SYBU: variants seen among roughly 807,000 people sequenced by gnomAD.
SYBU encodes GOLSYN A protein.
Under a neutral mutation model 35.9 loss-of-function variants are expected in SYBU, and 21 were observed. The ratio of observed to expected loss-of-function variants is 0.58; its 90% CI spans 0.41 to 0.84. The LOEUF (loss-of-function observed/expected upper bound fraction) is 0.84. Ranked by LOEUF, SYBU falls within the 40% of genes least tolerant of loss-of-function variation. The pLI is 0.00. For missense variants in SYBU, 768 were observed against 848.2 expected (o/e 0.91, Z 1.17); for synonymous variants, 319 against 324.3 (o/e 0.98, Z 0.18).
At chr8:109,688,948 A>G (rs1328432795) in intron 1 of SYBU, among the ~76,000 whole-genome samples, 1 of 152,172 alleles carries the variant, frequency 6.6e-6, no homozygotes, top group Non-Finnish European at 1.5e-5. Context: ...GATTAGTTAC[A>G]TCTTAACGGT....
intron 1 of SYBU, among the ~76,000 whole-genome samples, chr8:109,666,182 G>A (rs367706639): frequency 1.3e-5 from 2 of 152,216 alleles, no homozygotes; most frequent in East Asian, 3.8e-4. Context: ...CAACGTGGAT[G>A]TGGATTAGGA....
In SYBU at chr8:109,691,325, G is replaced by T. The variant is rs999989763; in HGVS notation, c.-58+8C>A. 2 of 701,588 alleles carry T rather than the reference G, an allele frequency of 2.9e-6. No homozygotes were observed. Among genetic ancestry groups the T allele is most frequent in the South Asian group, 1.5e-5 (1 of 67,388 alleles). The allele number at this position is 701,588 out of a possible 1,614,324, so 43.5% of individuals were successfully genotyped here. ...ACAGCAGAGACCGCATAGGCGCCCC[G>T]GTCTTACCCTTTCTCGCCCAGAAGG... On this transcript the variant is annotated splice_region_variant and intron_variant, in intron 1 of 7. Coordinates refer to the SYBU transcript ENST00000422135. The surrounding 1 kb of genome is among the most constrained non-coding windows in gnomAD (Gnocchi z 4.7).
At chr8:109,672,744 C>T (rs1207794118) in intron 1 of SYBU, among the ~76,000 whole-genome samples, 3 of 152,200 alleles carry the variant, frequency 2.0e-5, no homozygotes, top group African/African-American at 7.2e-5. Flanking sequence ...CTCAGCAGAT[C>T]CCACCGCCAC....
chr8:109,628,534 G>T (rs1166754679), intron 2 of SYBU, among the ~76,000 whole-genome samples: 3 of 151,814 alleles, frequency 2.0e-5, no homozygotes, highest in Non-Finnish European at 4.4e-5. Flanking sequence ...TTGTAAATAG[G>T]ATCTCACTAT....
At chr8:109,665,225 A>G (rs1056263779) in intron 1 of SYBU, among the ~76,000 whole-genome samples, 44 of 152,206 alleles carry the variant, frequency 2.9e-4, no homozygotes, top group African/African-American at 9.6e-4. Context: ...GTATGTAACA[A>G]TATAAAAATT....
At chr8:109,647,522 T>C (rs1436465038), upstream of SYBU, 1 of 152,238 alleles carries the variant, frequency 6.6e-6, no homozygotes, top group East Asian at 1.9e-4. Context: ...CCCCATTTAC[T>C]TGTTTGTTTT....
intron 2 of SYBU, among the ~76,000 whole-genome samples, chr8:109,637,208 A>G (rs780766880): frequency 6.6e-6 from 1 of 152,216 alleles, no homozygotes; most frequent in African/African-American, 2.4e-5. Context: ...TGAATTTTAA[A>G]CAAGTTTTAC....
rs1308148267 is a variant in SYBU at position 109,575,511 on chromosome 8, G to A, written c.1387C>T (p.Pro463Ser). The change falls in exon 7 of 7, where the codon CCT becomes TCT. Residue 463 changes from proline to serine, a missense_variant. Pro to Ser is a moderately conservative substitution (Grantham distance 74, BLOSUM62 -1). Transcript: ENST00000276646. ...AGCAGCTCCAGGACGTTAGCCCCAG[G>A]GGTGGAATGCACAAGCTCCAGGTCA... Reference protein sequence around the residue: ...SGDLELVHSTPGANVLELLPI... With the variant: ...SGDLELVHSTSGANVLELLPI... The A allele has an allele frequency of 1.2e-6, 2 of 1,614,000 alleles. No homozygotes were observed. Among genetic ancestry groups the A allele is most frequent in the East Asian group, 4.5e-5 (2 of 44,864 alleles).
At chr8:109,669,555 T>A (rs1393920654) in intron 1 of SYBU, among the ~76,000 whole-genome samples, 9 of 152,326 alleles carry the variant, frequency 5.9e-5, no homozygotes, top group African/African-American at 2.2e-4. Context: ...AAACACTATA[T>A]GTTTTAATAT....
intron 1 of SYBU, among the ~76,000 whole-genome samples, chr8:109,653,358 C>T (rs991193440): frequency 4.6e-5 from 7 of 152,012 alleles, no homozygotes; most frequent in Admixed American, 1.3e-4. Flanking sequence ...TAAATAAGTG[C>T]CCATCAAATG....
upstream of SYBU, among the ~76,000 whole-genome samples, chr8:109,683,540 T>C (rs1332199132): frequency 2.0e-5 from 3 of 152,216 alleles, no homozygotes; most frequent in Non-Finnish European, 4.4e-5. Context: ...TGCAGGCTCA[T>C]AGGCAGAAGG....
chr8:109,642,784 T>A lies in SYBU; in HGVS notation c.173A>T (p.Asn58Ile). 8 of 1,613,582 alleles carry A rather than the reference T, an allele frequency of 5.0e-6. No individual in the cohort carries two copies. Among genetic ancestry groups the A allele is most frequent in the Non-Finnish European group, 6.8e-6 (8 of 1,179,782 alleles). ...PFSEEESREFNPSSSGRSART... is the reference protein window; with the variant it reads ...PFSEEESREFIPSSSGRSART... ...CGCTGAGCGCCCAGAGCTGCTGGGGTTGAACTCTCTGCTCTCTTCCTCAGA... is the reference window on the plus strand; with the variant it reads ...CGCTGAGCGCCCAGAGCTGCTGGGGATGAACTCTCTGCTCTCTTCCTCAGA... The change falls in exon 2 of 7, where the codon AAC (asparagine) becomes ATC (isoleucine). Residue 58 changes from asparagine (N) to isoleucine (I), a missense_variant. Coordinates refer to ENST00000276646, the MANE Select transcript of SYBU (RefSeq NM_001099754.2).
intron 1 of SYBU, among the ~76,000 whole-genome samples, chr8:109,672,929 G>T (rs1364249527): frequency 1.3e-5 from 2 of 152,206 alleles, no homozygotes; most frequent in African/African-American, 4.8e-5. Context: ...GTTTGGACTG[G>T]GTGGAGCCCA....
rs545263369 is a variant in SYBU at position 109,608,678 on chromosome 8, A to G, written c.427+10164T>C. 1.8e-4 allele frequency among the ~76,000 whole-genome samples: 28 copies of G among 152,374 alleles called. No homozygotes were observed. In the South Asian group the frequency reaches 5.8e-3, roughly 32 times the overall value. On this transcript the variant is annotated intron_variant, in intron 3 of 6. Transcript: ENST00000276646. Reference sequence around the variant, plus strand: ...GTCTTACTAAGAAGGCATCTGTGACAGAATAAGACTAATGCAGATGAGATG... The same window carrying G: ...GTCTTACTAAGAAGGCATCTGTGACGGAATAAGACTAATGCAGATGAGATG...
intron 3 of SYBU, among the ~76,000 whole-genome samples, chr8:109,612,403 G>C (rs1436744449): frequency 1.3e-5 from 2 of 152,174 alleles, no homozygotes; most frequent in African/African-American, 4.8e-5. Flanking sequence ...GCTCGGGTTT[G>C]CTGCCGGAAG....
At chr8:109,670,984 T>C (rs987070750) in intron 1 of SYBU, among the ~76,000 whole-genome samples, 1 of 152,164 alleles carries the variant, frequency 6.6e-6, no homozygotes, top group Non-Finnish European at 1.5e-5. Context: ...GCTAAACAGA[T>C]AAAAAATTGG....
Position 109,644,626 on chromosome 8 carries a change from C to G in SYBU, c.24+10G>C. 6.5e-7 allele frequency: 1 copy of G among 1,541,850 alleles called. No individual in the cohort carries two copies. The highest frequency in any genetic ancestry group is 2.5e-5 in the East Asian group (1 of 40,200). ...GCCCTCCAGTGCCCGCACTGCCCCGCGCTCCTTACCTTGCTCTCGCGGAGG... is the reference window on the plus strand; with the variant it reads ...GCCCTCCAGTGCCCGCACTGCCCCGGGCTCCTTACCTTGCTCTCGCGGAGG... On this transcript the variant is annotated intron_variant, in intron 1 of 6. Transcript: ENST00000276646.
intron 1 of SYBU, chr8:109,643,283 GC>G: frequency 1.5e-6 from 1 of 674,652 alleles, no homozygotes; most frequent in Non-Finnish European, 1.9e-6. Flanking sequence ...CCTCCCAAAG[GC>G]TCTTTATTAA....
intron 3 of SYBU, among the ~76,000 whole-genome samples, chr8:109,599,152 G>A (rs1457236473): frequency 6.6e-6 from 1 of 152,144 alleles, no homozygotes; most frequent in African/African-American, 2.4e-5. Flanking sequence ...ACTCTATTCT[G>A]TATCCCCCAC....
Sources: allele counts gnomAD v4.1 joint callset (sites outside exome capture counted in the v4.1 genomes callset), GRCh38; gene constraint gnomAD v4.1.1; non-coding constraint Gnocchi (gnomAD v3.1); transcripts MANE v1.5; gene names NCBI Gene and HGNC (gene_info 2026-07-23, HGNC 2026-07-21).